PARD3: variants seen among roughly 807,000 people sequenced by gnomAD.
PARD3 encodes the protein partitioning defective 3 homolog.
A neutral mutation model predicts 155.4 loss-of-function variants in PARD3; 75 were observed. The observed-to-expected ratio is 0.48, with a 90% confidence interval of 0.40 to 0.58. The LOEUF (loss-of-function observed/expected upper bound fraction) is 0.58, where lower values mean the gene tolerates loss of function less well. PARD3 is among the 20% of genes least tolerant of loss of function. The pLI is 0.00. For synonymous variants in PARD3, 576 were observed against 610.5 expected (o/e 0.94, Z 0.83); for missense variants, 1,642 against 1,721.7 (o/e 0.95, Z 0.82).
In PARD3 at chr10:34,422,088, G is replaced by A. The variant is rs114191691; in HGVS notation, c.715-20171C>T. On this transcript the variant is annotated intron_variant, in intron 5 of 24. Coordinates refer to ENST00000374788, the MANE Select transcript of PARD3 (RefSeq NM_001184785.2). ...ACAGACTTCCCACAGCACATCCAGG[G>A]ACACCCACTCTCACCCCTAGGAATC... 9.0e-3 allele frequency among the ~76,000 whole-genome samples: 1,374 copies of A among 152,128 alleles called. 29 individuals are homozygous for A. The highest frequency in any genetic ancestry group is 0.032 in the African/African-American group (1,311 of 41,502).
At chr10:34,362,173 C>A (rs973690891) in intron 12 of PARD3, among the ~76,000 whole-genome samples, 4 of 152,078 alleles carry the variant, frequency 2.6e-5, no homozygotes, top group Admixed American at 2.6e-4. Flanking sequence ...GTGGCGGGCA[C>A]CTGTAGTCCC....
At chr10:34,209,081 G>T (rs529872467) in intron 22 of PARD3, among the ~76,000 whole-genome samples, 2 of 152,124 alleles carry the variant, frequency 1.3e-5, no homozygotes, top group Non-Finnish European at 2.9e-5. Flanking sequence ...AATAAAAAAT[G>T]TAAGACAAAG....
intron 19 of PARD3, among the ~76,000 whole-genome samples, chr10:34,320,233 C>T (rs1014622741): frequency 2.0e-5 from 3 of 152,166 alleles, no homozygotes; most frequent in Non-Finnish European, 4.4e-5. Flanking sequence ...TTACTGTTCT[C>T]TCATCAAGCC....
Position 34,260,847 on chromosome 10 carries a change from A to G in PARD3, c.3419+8810T>C, listed in dbSNP as rs569607268. On this transcript the variant is annotated intron_variant, in intron 22 of 24. Transcript: ENST00000374788. ...ACATTTCTAAAAGAGCACATGTTTA[A>G]TAAGTGCCTATATCTAAGAAAATTA... is the stretch of plus-strand genomic sequence containing the variant. Among the ~76,000 whole-genome samples the G allele has an allele frequency of 2.6e-5, 4 of 152,232 alleles. No individual in the cohort carries two copies. In the South Asian group the frequency reaches 6.2e-4, roughly 24 times the overall value.
intron 9 of PARD3, among the ~76,000 whole-genome samples, chr10:34,378,378 A>G (rs1297097966): frequency 2.0e-5 from 3 of 152,246 alleles, no homozygotes; most frequent in Non-Finnish European, 2.9e-5. Context: ...TATGACTGCT[A>G]AAAGTTTTTA....
At chr10:34,696,498 C>A in intron 1 of PARD3, 79 bp from the exon 2 acceptor site, 1 of 876,562 alleles carries the variant, frequency 1.1e-6, no homozygotes, top group Non-Finnish European at 1.9e-6. Context: ...ACCGTGATAA[C>A]TTCCTGCCCA....
At chr10:34,711,907 T>C (rs1447676737) in intron 1 of PARD3, among the ~76,000 whole-genome samples, 6 of 152,140 alleles carry the variant, frequency 3.9e-5, no homozygotes, top group Non-Finnish European at 5.9e-5. Flanking sequence ...TAGTTTACAT[T>C]CCAGGAAACA....
At chr10:34,594,228 T>C (rs2134398408) in intron 2 of PARD3, among the ~76,000 whole-genome samples, 1 of 152,278 alleles carries the variant, frequency 6.6e-6, no homozygotes, top group Non-Finnish European at 1.5e-5. Flanking sequence ...AAGCATGCTC[T>C]TGGAAGGACC....
chr10:34,667,995 C>T (rs957764520), intron 2 of PARD3, among the ~76,000 whole-genome samples: 2 of 152,158 alleles, frequency 1.3e-5, no homozygotes, highest in Non-Finnish European at 2.9e-5. Context: ...GTGCATGTCT[C>T]CTGCTCAGCC....
At chr10:34,799,143 G>A (rs1175161077) in intron 1 of PARD3, among the ~76,000 whole-genome samples, 1 of 152,212 alleles carries the variant, frequency 6.6e-6, no homozygotes, top group Non-Finnish European at 1.5e-5. Flanking sequence ...CCGGGATCAA[G>A]CGATTCTCCT....
chr10:34,615,073 T>C (rs1445345563), intron 2 of PARD3, among the ~76,000 whole-genome samples: 3 of 151,852 alleles, frequency 2.0e-5, no homozygotes, highest in African/African-American at 7.3e-5. Context: ...CCCAGCTACT[T>C]GGGAGGCTGA....
intron 20 of PARD3, 97 bp downstream of exon 20, chr10:34,317,010 C>G: frequency 8.8e-7 from 1 of 1,130,374 alleles, no homozygotes; most frequent in Non-Finnish European, 1.2e-6. Context: ...GCTGGGATTA[C>G]AGGTGTGCAC....
At chr10:34,770,294 C>G (rs1838695851) in intron 1 of PARD3, among the ~76,000 whole-genome samples, 1 of 152,212 alleles carries the variant, frequency 6.6e-6, no homozygotes, top group African/African-American at 2.4e-5. Flanking sequence ...CACCTTTGAA[C>G]TGCAAAAGCA....
intron 24 of PARD3, among the ~76,000 whole-genome samples, chr10:34,112,096 C>G (rs1946413627): frequency 6.6e-6 from 1 of 152,182 alleles, no homozygotes; most frequent in Admixed American, 6.5e-5. Context: ...AGTCTAGACT[C>G]CTTTATGATA....
intron 4 of PARD3, among the ~76,000 whole-genome samples, chr10:34,458,713 T>A (rs1301659370): frequency 1.3e-5 from 2 of 151,914 alleles, no homozygotes; most frequent in Admixed American, 6.6e-5. Flanking sequence ...ATGAGGGAAG[T>A]TTAACGTTTA....
chr10:34,717,764 T>TTAAG (rs1160888300), intron 1 of PARD3, among the ~76,000 whole-genome samples: 1 of 152,188 alleles, frequency 6.6e-6, no homozygotes, highest in African/African-American at 2.4e-5. Context: ...CACCAGTGAA[T>TTAAG]TAAGAACCAA....
At chr10:34,654,798 C>T (rs1312153657) in intron 2 of PARD3, among the ~76,000 whole-genome samples, 2 of 152,154 alleles carry the variant, frequency 1.3e-5, no homozygotes, top group African/African-American at 4.8e-5. Context: ...CACATCTATG[C>T]TTTCCTTAAT....
Position 34,372,517 on chromosome 10 carries a change from A to C in PARD3, c.1688T>G (p.Met563Arg), listed in dbSNP as rs1840791536. 6.2e-7 allele frequency: 1 copy of C among 1,611,538 alleles called. No individual in the cohort carries two copies. The highest frequency in any genetic ancestry group is 8.5e-7 in the Non-Finnish European group (1 of 1,177,950). ...PRELNAEPSQ[M>R]QIPKETKAED... ...TCTTACCGTTTCTTTTGGAATCTGC[A>C]TCTGGCTTGGCTCTGCATTCTAGAA... Residue 563 changes from methionine to arginine, a missense_variant, in exon 12 of 25, where the codon ATG (methionine) becomes AGG (arginine). Transcript: ENST00000374788.
chr10:34,514,850 T>C (rs1025638), intron 3 of PARD3, among the ~76,000 whole-genome samples: 38,692 of 152,044 alleles, frequency 0.25, 5,187 homozygotes, highest in East Asian at 0.41. Context: ...AATTCATAAA[T>C]CAACATAAAG....
Sources: allele counts gnomAD v4.1 joint callset (sites outside exome capture counted in the v4.1 genomes callset), GRCh38; gene constraint gnomAD v4.1.1; transcripts MANE v1.5; gene names NCBI Gene and HGNC (gene_info 2026-07-23, HGNC 2026-07-21).